Variants in EYS observed in about 807,000 individuals in gnomAD.
EYS encodes EGF-like photoreceptor maintenance factor.
EYS carries 250 observed loss-of-function variants against 282.1 expected under a neutral mutation model. The ratio of observed to expected loss-of-function variants is 0.89; its 90% CI spans 0.80 to 0.98. The LOEUF (loss-of-function observed/expected upper bound fraction) is 0.98. Among genes scored for constraint, EYS ranks in the 50% least tolerant of loss-of-function variants. The probability of loss-of-function intolerance (pLI) is 0.00; values close to 1 mark genes in which losing one functional copy is unlikely to be tolerated. For synonymous variants in EYS, 1,355 were observed against 1,282.9 expected, an observed-to-expected ratio of 1.06 and a Z score of -1.20; for missense variants, 4,016 against 3,709.0, an observed-to-expected ratio of 1.08 and a Z score of -2.15.
rs568997201 is a variant in EYS, at chr6:64,776,782, T to C, written c.3443+36596A>G. Among the ~76,000 whole-genome samples the C allele has an allele frequency of 3.9e-5, 6 of 152,244 alleles. No individual in the cohort carries two copies. The East Asian group carries it at 7.7e-4, about 20-fold the overall frequency. Reference sequence around the variant, plus strand: ...AGTTGGTATCTTAGACTAAAATAGTTGACACTTGCTGAAAATTTTTCCTAT... The same window carrying C: ...AGTTGGTATCTTAGACTAAAATAGTCGACACTTGCTGAAAATTTTTCCTAT... On this transcript the variant is annotated intron_variant, in intron 22 of 42. Transcript: ENST00000503581.
intron 35 of EYS, among the ~76,000 whole-genome samples, chr6:63,872,311 GGTGTGT>G (rs750156894): frequency 6.6e-6 from 1 of 150,434 alleles, no homozygotes; most frequent in African/African-American, 2.4e-5. Flanking sequence ...CATACCAGGT[GGTGTGT>G]GTGTGTGTGT....
At chr6:64,413,265 G>C (rs888014317) in intron 28 of EYS, among the ~76,000 whole-genome samples, 2 of 152,086 alleles carry the variant, frequency 1.3e-5, no homozygotes, top group Non-Finnish European at 2.9e-5. Context: ...CCAAGATCTA[G>C]GCTATGGTCA....
intron 31 of EYS, among the ~76,000 whole-genome samples, chr6:64,197,623 C>G: frequency 6.6e-6 from 1 of 152,008 alleles, no homozygotes; most frequent in Non-Finnish European, 1.5e-5. Context: ...CTCTACATGG[C>G]TTGCTGCTAT....
intron 1 of EYS, among the ~76,000 whole-genome samples, chr6:65,698,886 C>A (rs1029731504): frequency 6.6e-5 from 10 of 152,146 alleles, no homozygotes; most frequent in African/African-American, 2.4e-4. Context: ...AAGAATCAAT[C>A]TTCCTGATAT....
At chr6:64,661,652 A>G (rs71570690) in intron 22 of EYS, among the ~76,000 whole-genome samples, 89 of 146,528 alleles carry the variant, frequency 6.1e-4, no homozygotes, top group Non-Finnish European at 1.1e-3. Context: ...TCACTGGCCA[A>G]CAGAGAAATG....
At chr6:64,874,405 T>C (rs142903518) in intron 19 of EYS, among the ~76,000 whole-genome samples, 1 of 152,246 alleles carries the variant, frequency 6.6e-6, no homozygotes, top group African/African-American at 2.4e-5. Flanking sequence ...ATGTCTCAGA[T>C]ACTGACAGTA....
chr6:65,512,765 G>T (rs1033226455), intron 2 of EYS, among the ~76,000 whole-genome samples: 1 of 151,984 alleles, frequency 6.6e-6, no homozygotes, highest in African/African-American at 2.4e-5. Flanking sequence ...CAGCATACCA[G>T]AATCTCTGGG....
intron 22 of EYS, among the ~76,000 whole-genome samples, chr6:64,802,351 C>T (rs1371937983): frequency 2.6e-5 from 4 of 151,764 alleles, no homozygotes; most frequent in African/African-American, 7.3e-5. Flanking sequence ...CACGTCCGGC[C>T]GAGTTATAAC....
At chr6:64,049,140 G>A (rs896763955) in intron 33 of EYS, among the ~76,000 whole-genome samples, 1 of 152,118 alleles carries the variant, frequency 6.6e-6, no homozygotes, top group Non-Finnish European at 1.5e-5. Context: ...CATAAACAGT[G>A]ATCAGTTGTT....
intron 2 of EYS, among the ~76,000 whole-genome samples, chr6:65,622,678 T>C (rs1014891711): frequency 6.6e-6 from 1 of 152,144 alleles, no homozygotes; most frequent in Non-Finnish European, 1.5e-5. Flanking sequence ...ATTGTTAAGA[T>C]TGTTGCATTT....
chr6:63,782,260 C>G (rs1562023724), intron 39 of EYS, among the ~76,000 whole-genome samples: 1 of 152,148 alleles, frequency 6.6e-6, no homozygotes, highest in Non-Finnish European at 1.5e-5. Context: ...TGATGCTGCC[C>G]TCATAAAATG....
intron 29 of EYS, chr6:64,377,753 C>T (rs1323399920): frequency 6.6e-6 from 1 of 151,806 alleles, no homozygotes; most frequent in Non-Finnish European, 1.5e-5. Flanking sequence ...ATGGCTGAAA[C>T]ATCAGACCCG....
chr6:65,326,657 C>T (rs1204789312), intron 11 of EYS, among the ~76,000 whole-genome samples: 1 of 151,308 alleles, frequency 6.6e-6, no homozygotes, highest in African/African-American at 2.4e-5. Context: ...ATTACCATAT[C>T]TAAAACATTG....
intron 13 of EYS, among the ~76,000 whole-genome samples, chr6:65,027,407 C>T (rs1289875590): frequency 1.3e-5 from 2 of 152,248 alleles, no homozygotes; most frequent in East Asian, 1.9e-4. Context: ...TGTTATTGGA[C>T]CCTCCTACAT....
chr6:64,662,938 C>G (rs973056429), intron 22 of EYS, among the ~76,000 whole-genome samples: 1 of 152,140 alleles, frequency 6.6e-6, no homozygotes, highest in African/African-American at 2.4e-5. Flanking sequence ...CTGAAAGGAA[C>G]CTAGACTGTT....
At position 63,804,057 on chromosome 6, in the gene EYS, C is replaced by T. The variant is rs186172400; in HGVS notation, c.7411+2133G>A. On this transcript the variant is annotated intron_variant, in intron 37 of 42. Coordinates refer to ENST00000503581, the MANE Select transcript of EYS (RefSeq NM_001142800.2). ...TTGAGACAGAGTTTTGCTCTTGTTG[C>T]CCAGGCTGGAGTGCAACACTGCAAT... 2.6e-5 allele frequency among the ~76,000 whole-genome samples: 4 copies of T among 152,148 alleles called. No individual in the cohort carries two copies. The East Asian group carries it at 7.7e-4, about 29-fold the overall frequency.
At chr6:65,606,843 C>CT (rs1765813164) in intron 2 of EYS, among the ~76,000 whole-genome samples, 1 of 150,708 alleles carries the variant, frequency 6.6e-6, no homozygotes. Flanking sequence ...TACCAGTTTA[C>CT]TTTTTTCTAA....
chr6:64,964,570 A>G (rs1171485599), intron 14 of EYS, among the ~76,000 whole-genome samples: 3 of 152,156 alleles, frequency 2.0e-5, no homozygotes, highest in Admixed American at 6.6e-5. Context: ...AATATTTGGG[A>G]AATTTCCTGT....
At chr6:65,588,300 G>A (rs1273787877) in intron 2 of EYS, among the ~76,000 whole-genome samples, 2 of 151,490 alleles carry the variant, frequency 1.3e-5, no homozygotes, top group East Asian at 3.9e-4. Context: ...TATTCTTATT[G>A]TGCCAAATAC....
Sources: allele counts gnomAD v4.1 joint callset (sites outside exome capture counted in the v4.1 genomes callset), GRCh38; gene constraint gnomAD v4.1.1; transcripts MANE v1.5; gene names NCBI Gene and HGNC (gene_info 2026-07-23, HGNC 2026-07-21).